Variants in DLG2 observed in about 807,000 individuals in gnomAD.
DLG2 encodes the protein discs large MAGUK scaffold protein 2, also known as disks large homolog 2.
In DLG2, 45 loss-of-function variants were observed where a neutral mutation model predicts 132.5. The observed-to-expected ratio is 0.34, with a 90% CI of 0.27 to 0.44. The LOEUF (loss-of-function observed/expected upper bound fraction) is 0.44, where lower values mean the gene tolerates loss of function less well. Ranked by LOEUF, DLG2 falls within the 20% of genes least tolerant of loss-of-function variation. The pLI is 1.00. For synonymous variants in DLG2, 424 were observed against 419.6 expected (o/e 1.01, Z -0.13); for missense variants, 1,045 against 1,196.9 (o/e 0.87, Z 1.87).
chr11:84,108,892 ACTGGACT>A (rs1301652173), intron 9 of DLG2, among the ~76,000 whole-genome samples: 1 of 152,098 alleles, frequency 6.6e-6, no homozygotes, highest in African/African-American at 2.4e-5. Flanking sequence ...GGTAGAAATG[ACTGGACT>A]TACTGATGGC....
rs550194186 is a variant in DLG2 at position 85,355,104 on chromosome 11, G to C, written c.41-69739C>G. Among the ~76,000 whole-genome samples, 3 of 152,124 alleles carry C rather than the reference G, an allele frequency of 2.0e-5. No homozygotes were observed. In the South Asian group the frequency reaches 6.2e-4, roughly 32 times the overall value. ...ATCAGGCTTTAATGTTATAATACATGAAATTTTTGTGGTATATACACAATT... is the reference window on the plus strand; with the variant it reads ...ATCAGGCTTTAATGTTATAATACATCAAATTTTTGTGGTATATACACAATT... On this transcript the variant is annotated intron_variant, in intron 3 of 27. Coordinates refer to ENST00000376104, the MANE Select transcript of DLG2 (RefSeq NM_001142699.3).
chr11:84,557,634 GTTA>G (rs2099414562), intron 6 of DLG2, among the ~76,000 whole-genome samples: 1 of 150,946 alleles, frequency 6.6e-6, no homozygotes, highest in African/African-American at 2.4e-5. Flanking sequence ...TTTACAGTAT[GTTA>G]TTATTAGTAT....
chr11:84,662,859 T>A (rs2099696032), intron 6 of DLG2, among the ~76,000 whole-genome samples: 1 of 150,770 alleles, frequency 6.6e-6, no homozygotes, highest in South Asian at 2.1e-4. Flanking sequence ...CAGTCAGGGA[T>A]TAAACCGGAG....
At chr11:84,721,254 G>T (rs997447817) in intron 6 of DLG2, among the ~76,000 whole-genome samples, 2 of 152,188 alleles carry the variant, frequency 1.3e-5, no homozygotes, top group African/African-American at 4.8e-5. Flanking sequence ...GTAGAAAACA[G>T]GCTCAAAATG....
At chr11:83,908,184 G>A (rs142845749) in intron 15 of DLG2, among the ~76,000 whole-genome samples, 94 of 152,192 alleles carry the variant, frequency 6.2e-4, no homozygotes, top group Middle Eastern at 3.4e-3. Flanking sequence ...CTAAGTATCC[G>A]TATACTTATT....
At chr11:84,985,712 G>C (rs1045674790) in intron 6 of DLG2, among the ~76,000 whole-genome samples, 5 of 152,008 alleles carry the variant, frequency 3.3e-5, no homozygotes, top group African/African-American at 1.2e-4. Flanking sequence ...AAGATAAATA[G>C]GCCCATCAAG....
chr11:84,000,090 AGAAGAGAAT>A (rs1233149901), intron 11 of DLG2, among the ~76,000 whole-genome samples: 15 of 152,192 alleles, frequency 9.9e-5, no homozygotes, highest in African/African-American at 3.6e-4. Context: ...TCAGTGATAT[AGAAGAGAAT>A]TATGAAAACC....
chr11:83,982,922 G>C lies in DLG2; in HGVS notation c.920-2280C>G, dbSNP rs78135459. The stretch of plus-strand genomic sequence containing the variant: ...GCAATTGCCTACAGTACGCAGTATA[G>C]TAACATGGTATACAGGTTTGTATCC... On this transcript the variant is annotated intron_variant, in intron 11 of 27. Coordinates refer to ENST00000376104, the MANE Select transcript of DLG2 (RefSeq NM_001142699.3). Among the ~76,000 whole-genome samples the C allele has an allele frequency of 6.8e-3, 1,030 of 152,238 alleles. 3 individuals carry two copies. The highest frequency in any genetic ancestry group is 8.7e-3 in the Non-Finnish European group (593 of 67,990).
intron 24 of DLG2, among the ~76,000 whole-genome samples, chr11:83,469,718 T>C (rs2091757745): frequency 6.6e-6 from 1 of 151,918 alleles, no homozygotes. Flanking sequence ...GACACGGGAG[T>C]TGAGTCAGAA....
At chr11:85,209,228 A>G (rs1165033389) in intron 4 of DLG2, among the ~76,000 whole-genome samples, 2 of 152,164 alleles carry the variant, frequency 1.3e-5, no homozygotes, top group African/African-American at 4.8e-5. Flanking sequence ...AGCACTGAAT[A>G]CAAATACTTA....
intron 6 of DLG2, among the ~76,000 whole-genome samples, chr11:84,887,799 C>T (rs182142653): frequency 1.3e-5 from 2 of 151,160 alleles, no homozygotes; most frequent in East Asian, 1.9e-4. Flanking sequence ...GCCTCCATAC[C>T]GTTTCTTCAC....
At chr11:85,303,546 T>A (rs573589002) in intron 3 of DLG2, among the ~76,000 whole-genome samples, 1 of 152,306 alleles carries the variant, frequency 6.6e-6, no homozygotes, top group South Asian at 2.1e-4. Flanking sequence ...GATATAAAAG[T>A]CACAATGCAG....
chr11:85,614,302 T>C (rs1421793127), intron 2 of DLG2, among the ~76,000 whole-genome samples: 1 of 151,888 alleles, frequency 6.6e-6, no homozygotes, highest in Non-Finnish European at 1.5e-5. Context: ...AACAGAAAAG[T>C]TAGTCTTGAA....
chr11:85,151,849 A>T (rs1213022320), intron 5 of DLG2, among the ~76,000 whole-genome samples: 1 of 152,216 alleles, frequency 6.6e-6, no homozygotes, highest in Non-Finnish European at 1.5e-5. Context: ...TTATTCTCCA[A>T]AATTGATTAG....
chr11:83,708,977 C>A (rs1442466371), intron 18 of DLG2, among the ~76,000 whole-genome samples: 1 of 152,060 alleles, frequency 6.6e-6, no homozygotes, highest in Admixed American at 6.6e-5. Flanking sequence ...TATGAGGCTG[C>A]TGGTGCCCAT....
chr11:84,387,636 C>T (rs1402536594), intron 7 of DLG2, among the ~76,000 whole-genome samples: 1 of 152,018 alleles, frequency 6.6e-6, no homozygotes, highest in Non-Finnish European at 1.5e-5. Context: ...GTGTACAGTA[C>T]CCAAATGCCA....
chr11:83,813,775 A>C (rs1480094677), intron 17 of DLG2, among the ~76,000 whole-genome samples: 2 of 152,178 alleles, frequency 1.3e-5, no homozygotes, highest in African/African-American at 4.8e-5. Flanking sequence ...AAACAACAGC[A>C]GCAGCAGCAA....
At chr11:85,134,580 G>T (rs909414976) in intron 5 of DLG2, among the ~76,000 whole-genome samples, 1 of 146,784 alleles carries the variant, frequency 6.8e-6, no homozygotes, top group Non-Finnish European at 1.5e-5. Context: ...AAACAATTTG[G>T]AAAAAAATAA....
At chr11:84,651,379 G>T (rs1482605146) in intron 6 of DLG2, among the ~76,000 whole-genome samples, 1 of 152,010 alleles carries the variant, frequency 6.6e-6, no homozygotes, top group East Asian at 1.9e-4. Context: ...TGTACTTTTG[G>T]ACCAATTAAT....
Sources: gnomAD v4.1 joint callset for allele counts (sites outside exome capture counted in the v4.1 genomes callset) on GRCh38, gnomAD v4.1.1 for gene constraint, MANE v1.5 for transcripts, NCBI Gene and HGNC (gene_info 2026-07-23, HGNC 2026-07-21) for gene names.